The following B4GALT2 variants were observed in gnomAD, a reference collection of about 807,000 sequenced individuals.
The protein encoded by B4GALT2 is N-acetyllactosamine synthase.
B4GALT2 carries 18 observed loss-of-function variants against 33.2 expected under a neutral mutation model. The ratio of observed to expected loss-of-function variants is 0.54; its 90% CI spans 0.38 to 0.80. The LOEUF (loss-of-function observed/expected upper bound fraction) is 0.80. Ranked by LOEUF, B4GALT2 falls within the 30% of genes least tolerant of loss-of-function variation. The pLI is 0.00. For missense variants in B4GALT2, 404 were observed against 526.2 expected (o/e 0.77, Z 2.27); for synonymous variants, 214 against 217.6 (o/e 0.98, Z 0.15).
intron 6 of B4GALT2, among the ~76,000 whole-genome samples, chr1:43,986,647 G>T (rs2085662133): frequency 6.6e-6 from 1 of 152,178 alleles, no homozygotes; most frequent in African/African-American, 2.4e-5. Context: ...GATGTTAGGG[G>T]TTTTTCTTCT....
chr1:43,985,426 G>A (rs201941315), intron 5 of B4GALT2, 26 bp downstream of exon 5: 2 of 1,255,526 alleles, frequency 1.6e-6, no homozygotes, highest in Non-Finnish European at 2.2e-6. Flanking sequence ...GTGGGGAATA[G>A]GCTGGGTGGG....
chr1:43,989,468 G>C (rs966351378), intron 6 of B4GALT2, among the ~76,000 whole-genome samples: 2 of 152,226 alleles, frequency 1.3e-5, no homozygotes, highest in Admixed American at 6.5e-5. Flanking sequence ...CACTTTGAGG[G>C]AGGGAGGAGT....
intron 6 of B4GALT2, 66 bp from the exon 7 acceptor site, chr1:43,990,232 G>T: frequency 2.5e-6 from 4 of 1,588,218 alleles, no homozygotes; most frequent in Non-Finnish European, 3.5e-6. Flanking sequence ...TTGGTTGGGG[G>T]GTGTAGGATT....
Position 43,982,123 on chromosome 1 carries a change from C to T in B4GALT2, c.549+199C>T, listed in dbSNP as rs551803014. Among the ~76,000 whole-genome samples the T allele has an allele frequency of 3.3e-5, 5 of 152,202 alleles. No homozygotes were observed. Among genetic ancestry groups the T allele is most frequent in the Admixed American group, 6.5e-5 (1 of 15,290 alleles). ...ACACTGGCAGGTGTGTGCATGGTCT[C>T]AGAAGGGGTTGAGCCCCACTCTCTA... On this transcript the variant is annotated intron_variant, in intron 3 of 6. Transcript: ENST00000372324. This position sits in a 1 kb window ranked among gnomAD's most constrained non-coding sequence, Gnocchi z 4.3.
In B4GALT2 at chr1:43,982,039, G is replaced by A; in HGVS notation, c.549+115G>A. 7 of 1,001,752 alleles carry A rather than the reference G, an allele frequency of 7.0e-6. No homozygotes were observed. Among genetic ancestry groups the A allele is most frequent in the Non-Finnish European group, 1.0e-5 (7 of 676,094 alleles). 62.1% of individuals were successfully genotyped at this position (1,001,752 alleles called of 1,614,324 possible). On this transcript the variant is annotated intron_variant, in intron 3 of 6. Coordinates refer to ENST00000372324, the MANE Select transcript of B4GALT2 (RefSeq NM_003780.5). The surrounding 1 kb of genome is among the most constrained non-coding windows in gnomAD (Gnocchi z 4.3). ...ATGGACCTGGGCGTGGGTAGTCGGT[G>A]TTTGTCAGTGTGCACAGGAATGTGT... is the stretch of plus-strand genomic sequence containing the variant.
Position 43,981,164 on chromosome 1 carries a change from A to C in B4GALT2, c.4A>C (p.Ser2Arg), listed in dbSNP as rs2085589718. 1 of 1,599,100 alleles carries C rather than the reference A, an allele frequency of 6.3e-7. No individual in the cohort carries two copies. Among genetic ancestry groups the C allele is most frequent in the Admixed American group, 1.7e-5 (1 of 59,984 alleles). ...CGGGCCAGTGGCCGCCTGCGGGATGAGCAGACTGCTGGGGGGGACGCTGGA... is the reference window on the plus strand; with the variant it reads ...CGGGCCAGTGGCCGCCTGCGGGATGCGCAGACTGCTGGGGGGGACGCTGGA... M[S>R]RLLGGTLERV... The change falls in exon 2 of 7, where the codon AGC becomes CGC. Residue 2 changes from serine (S) to arginine (R), a missense_variant. Transcript: ENST00000372324. The surrounding 1 kb of genome is among the most constrained non-coding windows in gnomAD (Gnocchi z 8.1).
At chr1:43,985,771 C>A in intron 6 of B4GALT2, 150 bp downstream of exon 6, 2 of 708,430 alleles carry the variant, frequency 2.8e-6, no homozygotes, top group Middle Eastern at 2.9e-4. Context: ...GCCACTGATT[C>A]CCTGATGTGA....
chr1:43,981,133 A>G lies in B4GALT2; in HGVS notation c.-28A>G, dbSNP rs2085589042. ...GGCCAGCAGCCGGATGCCCGGGCCCACTGGGCGGGCCAGTGGCCGCCTGCG... is the reference window on the plus strand; with the variant it reads ...GGCCAGCAGCCGGATGCCCGGGCCCGCTGGGCGGGCCAGTGGCCGCCTGCG... On this transcript the variant is annotated 5_prime_UTR_variant, in exon 2 of 7. Transcript: ENST00000372324. The surrounding 1 kb of genome is among the most constrained non-coding windows in gnomAD (Gnocchi z 8.1). 1.9e-6 allele frequency: 3 copies of G among 1,594,554 alleles called. No individual in the cohort carries two copies. The East Asian group carries it at 6.7e-5, about 36-fold the overall frequency.
Position 43,981,893 on chromosome 1 carries a change from G to A in B4GALT2, c.518G>A (p.Arg173Gln), listed in dbSNP as rs750334421. 14 of 1,613,724 alleles carry A rather than the reference G, an allele frequency of 8.7e-6. No individual in the cohort carries two copies. Among genetic ancestry groups the A allele is most frequent in the Admixed American group, 5.0e-5 (3 of 60,002 alleles). The change falls in exon 3 of 7, where the codon CGG becomes CAG. Residue 173 changes from arginine (R) to glutamine (Q), a missense_variant. Coordinates refer to ENST00000372324, the MANE Select transcript of B4GALT2 (RefSeq NM_003780.5). This position sits in a 1 kb window ranked among gnomAD's most constrained non-coding sequence, Gnocchi z 8.1. The stretch of plus-strand genomic sequence containing the variant: ...CTACACCCCATCTTGAGGCGGCAGC[G>A]GCTGCGCTACGGCGTCTATGTCATC... ...HYLHPILRRQ[R>Q]LRYGVYVINQ...
Position 43,990,446 on chromosome 1 carries a change from T to C in B4GALT2, c.1117T>C (p.Ter373ArgextTer2). The change falls in exon 7 of 7, where the codon TGA becomes CGA. Residue 373 changes from the stop codon to arginine (R), a stop_lost. Coordinates refer to ENST00000372324, the MANE Select transcript of B4GALT2 (RefSeq NM_003780.5). ...GCCTCCGTCGTGGCCCCCTCGGGGC[T>C]GACACTAATGGACAGAGGCTCTCGG... ...GRPPSWPPRG[*>R] The C allele has an allele frequency of 6.2e-7, 1 of 1,614,092 alleles. No homozygotes were observed.
At chr1:43,987,933 C>T (rs1197816869) in intron 6 of B4GALT2, among the ~76,000 whole-genome samples, 1 of 152,204 alleles carries the variant, frequency 6.6e-6, no homozygotes, top group Non-Finnish European at 1.5e-5. Context: ...AGCTCAGTGT[C>T]ACATATGCCC....
chr1:43,988,979 C>G (rs1380518164), intron 6 of B4GALT2, among the ~76,000 whole-genome samples: 2 of 152,076 alleles, frequency 1.3e-5, no homozygotes, highest in Non-Finnish European at 2.9e-5. Context: ...GCCAAATCAA[C>G]CCTGGAAGGA....
intron 6 of B4GALT2, among the ~76,000 whole-genome samples, chr1:43,988,695 CAAA>C (rs1469609207): frequency 6.6e-6 from 1 of 151,504 alleles, no homozygotes; most frequent in Non-Finnish European, 1.5e-5. Context: ...AAAACCAAAA[CAAA>C]AAGCCGGACG....
intron 3 of B4GALT2, among the ~76,000 whole-genome samples, chr1:43,983,486 T>G (rs2085623231): frequency 6.6e-6 from 1 of 152,182 alleles, no homozygotes; most frequent in Non-Finnish European, 1.5e-5. Context: ...GGACCAAGAC[T>G]CGTCCAGTGG....
rs2085574540 is a variant in B4GALT2, at chr1:43,979,858, G to C, written c.-53+347G>C. On this transcript the variant is annotated intron_variant, in intron 1 of 6. Transcript: ENST00000372324. This position sits in a 1 kb window ranked among gnomAD's most constrained non-coding sequence, Gnocchi z 4.8. ...CACACCCACCCGGTCTGTGCGGCCTGCCCGTCCGCGGGTGCCACGTGTTCA... is the reference window on the plus strand; with the variant it reads ...CACACCCACCCGGTCTGTGCGGCCTCCCCGTCCGCGGGTGCCACGTGTTCA... 2 of 779,806 alleles carry C rather than the reference G, an allele frequency of 2.6e-6. No homozygotes were observed. Among genetic ancestry groups the C allele is most frequent in the Non-Finnish European group, 2.0e-6 (1 of 491,266 alleles). The allele number at this position is 779,806 out of a possible 1,614,324, so 48.3% of individuals were successfully genotyped here.
chr1:43,980,112 C>G, intron 1 of B4GALT2: 1 of 1,411,640 alleles, frequency 7.1e-7, no homozygotes. Flanking sequence ...CTCTGTGTGT[C>G]TGAGTGTGGG....
At position 43,984,993 on chromosome 1, in the gene B4GALT2, C is replaced by G; in HGVS notation, c.678C>G (p.Asn226Lys). Residue 226 changes from asparagine (N) to lysine (K), a missense_variant, in exon 4 of 7, where the codon AAC (asparagine) becomes AAG (lysine). Asn to Lys is a moderately conservative substitution (Grantham distance 94, BLOSUM62 0). Transcript: ENST00000372324. This position sits in a 1 kb window ranked among gnomAD's most constrained non-coding sequence, Gnocchi z 5.6. ...DVDLVPMDDR[N>K]LYRCGDQPRH... ...ACCTGGTCCCCATGGATGACCGCAA[C>G]CTATACCGCTGCGGCGACCAACCCC... The G allele has an allele frequency of 6.2e-7, 1 of 1,613,766 alleles. No homozygotes were observed.
At position 43,990,352 on chromosome 1, in the gene B4GALT2, A is replaced by G. The variant is rs1302709143; in HGVS notation, c.1023A>G (p.Ser341=). 2.5e-6 allele frequency: 4 copies of G among 1,614,114 alleles called. No individual in the cohort carries two copies. The highest frequency in any genetic ancestry group is 2.7e-5 in the African/African-American group (2 of 74,928). Residue 341 remains serine, a synonymous_variant, in exon 7 of 7, where the codon TCA becomes TCG. Coordinates refer to ENST00000372324, the MANE Select transcript of B4GALT2 (RefSeq NM_003780.5). ...KLTMKRDGIG[S]VRYQVLEVSR... is the part of the protein sequence containing the mutation. ...CCATGAAGCGGGACGGCATTGGGTC[A>G]GTGCGGTACCAGGTCTTGGAGGTGT...
At chr1:43,985,451 T>TTCA in intron 5 of B4GALT2, 51 bp downstream of exon 5, 1 of 698,010 alleles carries the variant, frequency 1.4e-6, no homozygotes, top group Non-Finnish European at 2.1e-6. Context: ...GGAGGGGGGG[T>TTCA]GCAGACTGGG....
Sources: allele counts gnomAD v4.1 joint callset (sites outside exome capture counted in the v4.1 genomes callset), GRCh38; gene constraint gnomAD v4.1.1; non-coding constraint Gnocchi (gnomAD v3.1); transcripts MANE v1.5; gene names NCBI Gene and HGNC (gene_info 2026-07-23, HGNC 2026-07-21).